POLE: variants seen among roughly 807,000 people sequenced by gnomAD.
The protein encoded by POLE is DNA polymerase epsilon, catalytic subunit.
In POLE, 188 loss-of-function variants were observed where a neutral mutation model predicts 279.2. The observed-to-expected ratio is 0.67, with a 90% CI of 0.60 to 0.76. The LOEUF (loss-of-function observed/expected upper bound fraction) is 0.76, where lower values mean the gene tolerates loss of function less well. POLE is among the 30% of genes least tolerant of loss of function. POLE has a pLI of 0.00. For missense variants in POLE, 2,703 were observed against 3,016.7 expected, an observed-to-expected ratio of 0.90 and a Z score of 2.44; for synonymous variants, 1,214 against 1,172.5, an observed-to-expected ratio of 1.04 and a Z score of -0.72.
rs747250998 is a variant in POLE at position 132,642,866 on chromosome 12, A to G, written c.4682T>C (p.Leu1561Pro). The G allele has an allele frequency of 6.2e-7, 1 of 1,614,026 alleles. No homozygotes were observed. Among genetic ancestry groups the G allele is most frequent in the Non-Finnish European group, 8.5e-7 (1 of 1,179,982 alleles). Residue 1561 changes from leucine (L) to proline (P), a missense_variant, in exon 36 of 49, where the codon CTG (leucine) becomes CCG (proline). By Grantham distance (98) the Leu-to-Pro change is moderately conservative. Coordinates refer to ENST00000320574, the MANE Select transcript of POLE (RefSeq NM_006231.4). ...HTFEVRAETD[L>P]KTICRAIQRF... ...CTGGATGGCTCTGCAGATGGTCTTCAGGTCAGTTTCTGCCCGAACTTCGAA... is the reference window on the plus strand; with the variant it reads ...CTGGATGGCTCTGCAGATGGTCTTCGGGTCAGTTTCTGCCCGAACTTCGAA...
chr12:132,669,085 AG>A (rs1192296781), intron 16 of POLE, 146 bp from the exon 17 acceptor site: 1 of 675,336 alleles, frequency 1.5e-6, no homozygotes, highest in African/African-American at 1.8e-5. Context: ...AAAGTTAAGA[AG>A]GGTTGCCATC....
chr12:132,686,426 T>C (rs989147377), intron 1 of POLE, among the ~76,000 whole-genome samples: 1 of 152,128 alleles, frequency 6.6e-6, no homozygotes, highest in African/African-American at 2.4e-5. Flanking sequence ...CCAGCCTGTC[T>C]AATTTTTCTT....
intron 29 of POLE, among the ~76,000 whole-genome samples, chr12:132,655,458 A>G (rs2042512665): frequency 6.6e-6 from 1 of 152,206 alleles, no homozygotes; most frequent in African/African-American, 2.4e-5. Context: ...GCAAGACTAC[A>G]TTTGTTCACT....
chr12:132,668,783 G>A lies in POLE; in HGVS notation c.1923+28C>T, dbSNP rs1198352398. The A allele has an allele frequency of 1.4e-5, 23 of 1,613,650 alleles. No homozygotes were observed. Among genetic ancestry groups the A allele is most frequent in the Middle Eastern group, 1.6e-4 (1 of 6,080 alleles). On this transcript the variant is annotated intron_variant, in intron 17 of 48. Transcript: ENST00000320574. The surrounding 1 kb of genome is among the most constrained non-coding windows in gnomAD (Gnocchi z 4.0). ...CTTAGGGCTGGGCAGAGAGAGCTCC[G>A]ACTCTGACACGGGAAGTAAAGTCTC...
At chr12:132,635,869 G>A (rs2042021176) in intron 42 of POLE, 23 bp downstream of exon 42, 4 of 1,596,274 alleles carry the variant, frequency 2.5e-6, no homozygotes, top group Non-Finnish European at 3.4e-6. Flanking sequence ...GCTGGCTCGG[G>A]TGCCACACTG....
Position 132,661,106 on chromosome 12 carries a change from G to GT in POLE, c.2922dup (p.Arg975ThrfsTer9). On this transcript the variant is annotated frameshift_variant, in exon 25 of 49. Coordinates refer to ENST00000320574, the MANE Select transcript of POLE (RefSeq NM_006231.4). LOFTEE classifies it high-confidence loss of function. The surrounding 1 kb of genome is among the most constrained non-coding windows in gnomAD (Gnocchi z 4.1). ...TTAATCAGCTGCAGTTCCCCGCGGC[G>GT]TTTGACCTCAAAGCCCTTGAGCTCA... is the stretch of plus-strand genomic sequence containing the variant. 6.2e-7 allele frequency: 1 copy of GT among 1,613,584 alleles called. No homozygotes were observed. Among genetic ancestry groups the GT allele is most frequent in the South Asian group, 1.1e-5 (1 of 91,058 alleles).
rs1555228569 is a variant in POLE, at chr12:132,673,569, A to G, written c.1359+6T>C. ...AGCAGGGGCAGCCGGGATGTGGCTT[A>G]CGTGCCTGGGGCTGCTCCGTGGCCA... On this transcript the variant is annotated splice_donor_region_variant and intron_variant, in intron 13 of 48. Transcript: ENST00000320574. 1 of 1,602,230 alleles carries G rather than the reference A, an allele frequency of 6.2e-7. No individual in the cohort carries two copies. The highest frequency in any genetic ancestry group is 8.5e-7 in the Non-Finnish European group (1 of 1,173,650).
Position 132,642,566 on chromosome 12 carries a change from C to T in POLE, c.4892G>A (p.Arg1631His), listed in dbSNP as rs775590365. The T allele has an allele frequency of 1.2e-5, 19 of 1,613,552 alleles. No individual in the cohort carries two copies. In the African/African-American group the frequency reaches 1.3e-4, roughly 11 times the overall value. The change falls in exon 37 of 49, where the codon CGC (arginine) becomes CAC (histidine). Residue 1631 changes from arginine (R) to histidine (H), a missense_variant. By Grantham distance (29) the Arg-to-His change is conservative. Coordinates refer to ENST00000320574, the MANE Select transcript of POLE (RefSeq NM_006231.4). ...VLDWQRHGAR[R>H]MIRHYLNLDT... ...CAGGTTGAGGTAGTGACGGATCATG[C>T]GCCGGGCTCCATGGCGCTGCCAGTC...
intron 12 of POLE, among the ~76,000 whole-genome samples, chr12:132,674,600 C>T (rs1353718702): frequency 1.3e-5 from 2 of 152,180 alleles, no homozygotes; most frequent in African/African-American, 4.8e-5. Flanking sequence ...CTGGGCCTCC[C>T]CCTGCCCCAC....
Position 132,665,386 on chromosome 12 carries a change from T to A in POLE, c.2384A>T (p.Lys795Met). Residue 795 changes from lysine to methionine, a missense_variant, in exon 21 of 49, where the codon AAG (lysine) becomes ATG (methionine). By Grantham distance (95) the Lys-to-Met change is moderately conservative. Transcript: ENST00000320574. ...CGAGTCATACAGCACCTCCATGTTC[T>A]TGCAGCGCTTCACCTCAGCCGCGTC... ...VGDAAEVKRC[K>M]NMEVLYDSLQ... is the part of the protein sequence containing the mutation. The A allele has an allele frequency of 6.2e-7, 1 of 1,613,904 alleles. No homozygotes were observed. Among genetic ancestry groups the A allele is most frequent in the Non-Finnish European group, 8.5e-7 (1 of 1,180,016 alleles).
At chr12:132,655,831 T>C (rs2042519725) in intron 29 of POLE, among the ~76,000 whole-genome samples, 1 of 152,158 alleles carries the variant, frequency 6.6e-6, no homozygotes, top group Non-Finnish European at 1.5e-5. Flanking sequence ...CCTTTTGCTT[T>C]TCCTGCGTCC....
chr12:132,633,930 G>A (rs1348505411), intron 43 of POLE: 5 of 409,930 alleles, frequency 1.2e-5, no homozygotes, highest in Non-Finnish European at 2.2e-5. Flanking sequence ...CACGGCCAGG[G>A]GCAGCCGCTC....
In POLE at chr12:132,675,428, G is replaced by A. The variant is rs1060500853; in HGVS notation, c.1196C>T (p.Ala399Val). Residue 399 changes from alanine to valine, a missense_variant, in exon 12 of 49, where the codon GCG becomes GTG. Physicochemically the swap from Ala to Val is moderately conservative, Grantham distance 64. Coordinates refer to ENST00000320574, the MANE Select transcript of POLE (RefSeq NM_006231.4). The surrounding 1 kb of genome is among the most constrained non-coding windows in gnomAD (Gnocchi z 4.3). ...GCAGTCCATGTGGATGCACTGGGGC[G>A]CCTTGTACTCCCCCTGGCTGTCCTT... Reference protein sequence around the residue: ...FQKDSQGEYKAPQCIHMDCLR... With the variant: ...FQKDSQGEYKVPQCIHMDCLR... The A allele has an allele frequency of 5.0e-6, 8 of 1,614,136 alleles. No individual in the cohort carries two copies. Among genetic ancestry groups the A allele is most frequent in the African/African-American group, 1.3e-5 (1 of 75,052 alleles).
Position 132,661,545 on chromosome 12 carries a change from C to T in POLE, c.2846G>A (p.Gly949Asp), listed in dbSNP as rs2042681876. 1 of 1,614,176 alleles carries T rather than the reference C, an allele frequency of 6.2e-7. No homozygotes were observed. Among genetic ancestry groups the T allele is most frequent in the South Asian group, 1.1e-5 (1 of 91,090 alleles). Reference sequence around the variant, plus strand: ...GTCCCACCTCTTCTTCAATTTCTTGCCTTCTTCCTTGGAGGCTGGAAGAAT... The same window carrying T: ...GTCCCACCTCTTCTTCAATTTCTTGTCTTCTTCCTTGGAGGCTGGAAGAAT... ...AMILPASKEE[G>D]KKLKKRYAVF... Residue 949 changes from glycine to aspartate, a missense_variant, in exon 24 of 49, where the codon GGC becomes GAC. By Grantham distance (94) the Gly-to-Asp change is moderately conservative. This residue lies in a region of POLE where 101 missense variants were observed against 115.4 expected (regional missense o/e 0.87). Coordinates refer to ENST00000320574, the MANE Select transcript of POLE (RefSeq NM_006231.4). The surrounding 1 kb of genome is among the most constrained non-coding windows in gnomAD (Gnocchi z 4.1).
chr12:132,656,944 A>G (rs1304583564), intron 29 of POLE, among the ~76,000 whole-genome samples, 192 bp downstream of exon 29: 1 of 152,222 alleles, frequency 6.6e-6, no homozygotes, highest in Non-Finnish European at 1.5e-5. Context: ...CAGCCTCACA[A>G]TGGTGTCCTA....
intron 39 of POLE, 194 bp downstream of exon 39, chr12:132,641,453 G>A (rs1366517418): frequency 2.5e-5 from 15 of 598,848 alleles, no homozygotes; most frequent in Admixed American, 8.8e-5. Flanking sequence ...CTGAACAGTC[G>A]CCAGGGACCA....
At chr12:132,680,071 C>A in intron 4 of POLE, 25 bp from the exon 5 acceptor site, 1 of 1,603,004 alleles carries the variant, frequency 6.2e-7, no homozygotes, top group South Asian at 1.1e-5. Flanking sequence ...AATGAAAAGG[C>A]TTTCCATTGG....
intron 29 of POLE, among the ~76,000 whole-genome samples, chr12:132,656,015 A>T (rs1285940801): frequency 2.0e-5 from 3 of 151,934 alleles, no homozygotes; most frequent in Admixed American, 6.6e-5. Flanking sequence ...ATTTAAAAAA[A>T]AAATTAAAAA....
chr12:132,650,747 C>G (rs1318825822), intron 29 of POLE: 1 of 152,118 alleles, frequency 6.6e-6, no homozygotes, highest in African/African-American at 2.4e-5. Context: ...ATAATGGGTA[C>G]AGCCCTCTTC....
Sources: allele counts gnomAD v4.1 joint callset (sites outside exome capture counted in the v4.1 genomes callset), GRCh38; gene constraint gnomAD v4.1.1; regional missense constraint gnomAD v4.1.1; non-coding constraint Gnocchi (gnomAD v3.1); transcripts MANE v1.5; gene names NCBI Gene and HGNC (gene_info 2026-07-23, HGNC 2026-07-21).